KIN: variants seen among roughly 807,000 people sequenced by gnomAD.
KIN encodes Kin17 DNA and RNA binding protein.
KIN carries 47 observed loss-of-function variants against 63.0 expected under a neutral mutation model. The ratio of observed to expected loss-of-function variants is 0.75; its 90% confidence interval spans 0.59 to 0.95. The LOEUF (loss-of-function observed/expected upper bound fraction) is 0.95. Ranked by LOEUF, KIN falls within the 40% of genes least tolerant of loss-of-function variation. The pLI, the probability that KIN is intolerant of heterozygous loss-of-function variation, is 0.00. For synonymous variants in KIN, 160 were observed against 157.7 expected, an observed-to-expected ratio of 1.01 and a Z score of -0.11; for missense variants, 408 against 460.9, an observed-to-expected ratio of 0.89 and a Z score of 1.05.
intron 7 of KIN, among the ~76,000 whole-genome samples, chr10:7,772,748 G>T (rs1265584985): frequency 2.0e-5 from 3 of 151,978 alleles, no homozygotes; most frequent in African/African-American, 7.3e-5. Context: ...TATTAACATA[G>T]ATAACTTATC....
In KIN at chr10:7,774,868, C is replaced by T. The variant is rs749687842; in HGVS notation, c.631G>A (p.Ala211Thr). ...GATGTTGCTCCGGATGAGCTACATGCTCCTTTACTCAAATTAAACGTGACT... is the reference window on the plus strand; with the variant it reads ...GATGTTGCTCCGGATGAGCTACATGTTCCTTTACTCAAATTAAACGTGACT... ...EKVTFNLSKG[A>T]CSSSGATSSK... Residue 211 changes from alanine to threonine, a missense_variant, in exon 7 of 13, where the codon GCA becomes ACA. Physicochemically the swap from Ala to Thr is moderately conservative, Grantham distance 58 (BLOSUM62 0). Coordinates refer to ENST00000379562, the MANE Select transcript of KIN (RefSeq NM_012311.4). 6.2e-7 allele frequency: 1 copy of T among 1,612,948 alleles called. No individual in the cohort carries two copies.
Position 7,784,543 on chromosome 10 carries a change from G to A in KIN, c.115-1368C>T, listed in dbSNP as rs914866486. 4.6e-5 allele frequency among the ~76,000 whole-genome samples: 7 copies of A among 152,072 alleles called. No homozygotes were observed. In the South Asian group the frequency reaches 8.3e-4, roughly 18 times the overall value. ...TTGGAGGATGCTGTGAGCTATGATCGAGCCACTGTACTCCAGTCTGGGCAA... is the reference window on the plus strand; with the variant it reads ...TTGGAGGATGCTGTGAGCTATGATCAAGCCACTGTACTCCAGTCTGGGCAA... On this transcript the variant is annotated intron_variant, in intron 1 of 12. Coordinates refer to ENST00000379562, the MANE Select transcript of KIN (RefSeq NM_012311.4).
Position 7,769,969 on chromosome 10 carries a change from C to T in KIN, c.669-624G>A, listed in dbSNP as rs192961004. Among the ~76,000 whole-genome samples, 269 of 152,144 alleles carry T rather than the reference C, an allele frequency of 1.8e-3. 1 individual carries two copies. The highest frequency in any genetic ancestry group is 6.2e-3 in the African/African-American group (259 of 41,536). On this transcript the variant is annotated intron_variant, in intron 7 of 12. Coordinates refer to ENST00000379562, the MANE Select transcript of KIN (RefSeq NM_012311.4). ...TTTTTGAGATGGAGTCTCACTCTGT[C>T]GCCCAGGCTGGAGTGCAGTGGCGCG...
At chr10:7,774,714 CA>C in intron 7 of KIN, 116 bp downstream of exon 7, 3 of 820,778 alleles carry the variant, frequency 3.7e-6, no homozygotes, top group East Asian at 2.6e-5. Flanking sequence ...CAATAAAAAC[CA>C]AAAACAGGTG....
chr10:7,775,728 GA>G, intron 6 of KIN, 22 bp downstream of exon 6: 1 of 1,372,780 alleles, frequency 7.3e-7, no homozygotes, highest in South Asian at 1.3e-5. Flanking sequence ...TTTAAAAAAA[GA>G]AAAAATAAAA....
At chr10:7,764,989 GTC>G (rs992211697) in intron 9 of KIN, among the ~76,000 whole-genome samples, 1 of 151,844 alleles carries the variant, frequency 6.6e-6, no homozygotes, top group Non-Finnish European at 1.5e-5. Flanking sequence ...GAGAAACCCC[GTC>G]TCTACTAAAA....
chr10:7,773,576 GA>G (rs1221156181), intron 7 of KIN, among the ~76,000 whole-genome samples: 2 of 152,130 alleles, frequency 1.3e-5, no homozygotes, highest in Admixed American at 1.3e-4. Flanking sequence ...TGTTAATTTT[GA>G]AACATTATTT....
chr10:7,771,857 T>C (rs1835671826), intron 7 of KIN, among the ~76,000 whole-genome samples: 1 of 145,074 alleles, frequency 6.9e-6, no homozygotes, highest in Non-Finnish European at 1.5e-5. Context: ...GTCATGCCAC[T>C]GCGCTCCAGC....
At position 7,754,033 on chromosome 10, in the gene KIN, T is replaced by C; in HGVS notation, c.*2047A>G. 4.4e-6 allele frequency: 2 copies of C among 456,018 alleles called. No homozygotes were observed. Among genetic ancestry groups the C allele is most frequent in the South Asian group, 3.1e-5 (2 of 64,558 alleles). The allele number at this position is 456,018 out of a possible 1,614,324, so 28.2% of individuals were successfully genotyped here. A position where few individuals can be genotyped will look rare whatever the true frequency, so the allele number is the denominator to read the frequency against. On this transcript the variant is annotated 3_prime_UTR_variant, in exon 13 of 13. Transcript: ENST00000379562. ...GGTCTGTTTTTTGTTTGAACTCTTG[T>C]AGAAGATCAACTCAGGCAAGGCGTG...
At position 7,769,360 on chromosome 10, in the gene KIN, A is replaced by T. The variant is rs767667793; in HGVS notation, c.669-15T>A. On this transcript the variant is annotated splice_polypyrimidine_tract_variant and intron_variant, in intron 7 of 12. Coordinates refer to ENST00000379562, the MANE Select transcript of KIN (RefSeq NM_012311.4). ...GTCCCAGAGTACTGATGAACAGGAG[A>T]ACCATGCTTGTTACCAAGAACCATA... 6.2e-7 allele frequency: 1 copy of T among 1,605,746 alleles called. No individual in the cohort carries two copies. The highest frequency in any genetic ancestry group is 8.5e-7 in the Non-Finnish European group (1 of 1,177,596).
chr10:7,758,779 T>C (rs564262494), intron 12 of KIN, among the ~76,000 whole-genome samples: 6 of 152,292 alleles, frequency 3.9e-5, no homozygotes, highest in East Asian at 3.9e-4. Flanking sequence ...GAAAATCTTA[T>C]AGAGTTTTTT....
Position 7,754,333 on chromosome 10 carries a change from T to G in KIN, c.*1747A>C. Reference sequence around the variant, plus strand: ...CTGGATGACAGAGCAAGACCCTATCTCAAAAAACAGAACAAAAAAAAAGAG... The same window carrying G: ...CTGGATGACAGAGCAAGACCCTATCGCAAAAAACAGAACAAAAAAAAAGAG... On this transcript the variant is annotated 3_prime_UTR_variant, in exon 13 of 13. Transcript: ENST00000379562. 1 of 271,864 alleles carries G rather than the reference T, an allele frequency of 3.7e-6. No individual in the cohort carries two copies. Among genetic ancestry groups the G allele is most frequent in the Non-Finnish European group, 7.4e-6 (1 of 135,068 alleles). The allele number at this position is 271,864 out of a possible 1,614,324, so 16.8% of individuals were successfully genotyped here.
At chr10:7,772,707 T>G (rs1298064585) in intron 7 of KIN, among the ~76,000 whole-genome samples, 1 of 152,246 alleles carries the variant, frequency 6.6e-6, no homozygotes, top group Non-Finnish European at 1.5e-5. Context: ...ATACAAATAT[T>G]GTTCCTTATT....
At chr10:7,758,010 A>G (rs1835365018) in intron 12 of KIN, among the ~76,000 whole-genome samples, 1 of 138,890 alleles carries the variant, frequency 7.2e-6, no homozygotes, top group Non-Finnish European at 1.5e-5. Context: ...ATATACAGAG[A>G]TTTTTTTTTT....
chr10:7,762,564 G>A lies in KIN; in HGVS notation c.919-8C>T, dbSNP rs1483094520. ...ATATTTGTCAATTACTTCCTGTCAT[G>A]TAAAATGAACACTTTTATAATAGAA... On this transcript the variant is annotated splice_region_variant and splice_polypyrimidine_tract_variant and intron_variant, in intron 10 of 12. Transcript: ENST00000379562. The A allele has an allele frequency of 6.5e-7, 1 of 1,527,292 alleles. No homozygotes were observed. The highest frequency in any genetic ancestry group is 1.4e-5 in the African/African-American group (1 of 73,236). The allele number at this position is 1,527,292 out of a possible 1,614,324, so 94.6% of individuals were successfully genotyped here. A position where few individuals can be genotyped will look rare whatever the true frequency, so the allele number is the denominator to read the frequency against.
chr10:7,785,403 G>A (rs189298701), intron 1 of KIN, among the ~76,000 whole-genome samples: 79 of 152,142 alleles, frequency 5.2e-4, no homozygotes, highest in African/African-American at 1.6e-3. Context: ...CAGAAACTAC[G>A]AGTTAGAAGG....
At position 7,752,859 on chromosome 10, in the gene KIN, C is replaced by A. The variant is rs1051747246; in HGVS notation, c.*3221G>T. ...ACCCTGTGTGACTCCAACTATATGACCTTCGATGGAGACAAAACTAGGGAG... is the reference window on the plus strand; with the variant it reads ...ACCCTGTGTGACTCCAACTATATGAACTTCGATGGAGACAAAACTAGGGAG... On this transcript the variant is annotated 3_prime_UTR_variant, in exon 13 of 13. Coordinates refer to ENST00000379562, the MANE Select transcript of KIN (RefSeq NM_012311.4). 2.0e-5 allele frequency: 3 copies of A among 152,124 alleles called. No individual in the cohort carries two copies. The highest frequency in any genetic ancestry group is 2.9e-5 in the Non-Finnish European group (2 of 68,042). The allele number at this position is 152,124 out of a possible 1,614,324, so 9.4% of individuals were successfully genotyped here.
chr10:7,762,928 G>A lies in KIN; in HGVS notation c.919-372C>T, dbSNP rs538371438. Among the ~76,000 whole-genome samples the A allele has an allele frequency of 1.8e-4, 28 of 152,296 alleles. 1 individual carries two copies. The South Asian group carries it at 5.6e-3, about 30-fold the overall frequency. On this transcript the variant is annotated intron_variant, in intron 10 of 12. Transcript: ENST00000379562. ...ACTAAATTTAGGAAAGGCAAAAAGG[G>A]AGAAAAGGCCTAGAATATTGATACA...
intron 7 of KIN, among the ~76,000 whole-genome samples, chr10:7,772,270 C>G (rs1402461229): frequency 1.3e-5 from 2 of 152,128 alleles, no homozygotes; most frequent in African/African-American, 4.8e-5. Context: ...CTGGCAATAT[C>G]AAGATTCTGT....
Sources: allele counts gnomAD v4.1 joint callset (sites outside exome capture counted in the v4.1 genomes callset), GRCh38; gene constraint gnomAD v4.1.1; transcripts MANE v1.5; gene names NCBI Gene and HGNC (gene_info 2026-07-23, HGNC 2026-07-21).